Variants in OSMR observed in about 807,000 individuals in gnomAD.
The protein encoded by OSMR is oncostatin M receptor.
A neutral mutation model predicts 99.9 loss-of-function variants in OSMR; 81 were observed. That is an observed-to-expected ratio of 0.81 (90% CI 0.68 to 0.97). The LOEUF is 0.97. Ranked by LOEUF, OSMR falls within the 50% of genes least tolerant of loss-of-function variation. OSMR has a pLI of 0.00. For missense variants in OSMR, 1,099 were observed against 1,153.4 expected (o/e 0.95, Z 0.68); for synonymous variants, 406 against 410.4 (o/e 0.99, Z 0.13).
Position 38,885,446 on chromosome 5 carries a change from G to A in OSMR, c.801G>A (p.Trp267Ter), listed in dbSNP as rs754271526. 8 of 1,613,916 alleles carry A rather than the reference G, an allele frequency of 5.0e-6. No homozygotes were observed. The highest frequency in any genetic ancestry group is 5.9e-6 in the Non-Finnish European group (7 of 1,179,930). ...CTGGGACGGACACTGCCTTGGGGTG[G>A]TCTAAACAACCTTCCCAAAGCTACA... Reference protein sequence around the residue: ...WDPGTDTALGWSKQPSQSYTL... With the variant: ...WDPGTDTALG The change falls in exon 6 of 18, where the codon TGG becomes TGA. Residue 267 changes from tryptophan (W) to a stop codon, truncating the protein, a stop_gained. Coordinates refer to ENST00000274276, the MANE Select transcript of OSMR (RefSeq NM_003999.3). LOFTEE classifies it high-confidence loss of function.
chr5:38,861,953 T>C (rs13359818), intron 1 of OSMR, among the ~76,000 whole-genome samples: 88,238 of 108,172 alleles, frequency 0.82, 35,851 homozygotes, highest in African/African-American at 0.89. Flanking sequence ...CCGGACGGGG[T>C]GGCTGGCCGG....
intron 9 of OSMR, among the ~76,000 whole-genome samples, chr5:38,909,844 A>G (rs976917857): frequency 5.3e-5 from 8 of 152,230 alleles, no homozygotes; most frequent in African/African-American, 1.9e-4. Context: ...ACCAGCTAAC[A>G]AGACAATGAC....
chr5:38,860,034 T>C (rs574208209), intron 1 of OSMR, among the ~76,000 whole-genome samples: 2 of 152,200 alleles, frequency 1.3e-5, no homozygotes, highest in Non-Finnish European at 2.9e-5. Context: ...GGGGACACTT[T>C]TTCTTTCTCA....
At chr5:38,899,820 C>T (rs1312862702) in intron 7 of OSMR, among the ~76,000 whole-genome samples, 3 of 152,204 alleles carry the variant, frequency 2.0e-5, no homozygotes, top group African/African-American at 7.2e-5. Context: ...CCCCTCTTCT[C>T]CTCACGCAGA....
intron 7 of OSMR, among the ~76,000 whole-genome samples, chr5:38,891,897 C>T (rs1744183781): frequency 6.6e-6 from 1 of 152,114 alleles, no homozygotes; most frequent in African/African-American, 2.4e-5. Context: ...GCCAGTGTGG[C>T]TCTGCGTTCC....
intron 2 of OSMR, among the ~76,000 whole-genome samples, chr5:38,869,375 G>T (rs1190154327): frequency 6.6e-6 from 1 of 152,188 alleles, no homozygotes; most frequent in Non-Finnish European, 1.5e-5. Context: ...TAGGGCAGTT[G>T]TAAATAGACC....
Position 38,933,072 on chromosome 5 carries a change from T to A in OSMR, c.2568T>A (p.Phe856Leu). 2 of 1,614,176 alleles carry A rather than the reference T, an allele frequency of 1.2e-6. No individual in the cohort carries two copies. Among genetic ancestry groups the A allele is most frequent in the Non-Finnish European group, 1.7e-6 (2 of 1,179,996 alleles). The change falls in exon 18 of 18, where the codon TTT (phenylalanine) becomes TTA (leucine). Residue 856 changes from phenylalanine to leucine, a missense_variant. Phe to Leu is a conservative substitution (Grantham distance 22). Transcript: ENST00000274276. Reference sequence around the variant, plus strand: ...CTGGCCCTGGCCCCTGCATCTGTTTTGAGAACTTGACCTATAACCAGGCAG... The same window carrying A: ...CTGGCCCTGGCCCCTGCATCTGTTTAGAGAACTTGACCTATAACCAGGCAG... ...NHSGPGPCICFENLTYNQAAS... is the reference protein window; with the variant it reads ...NHSGPGPCICLENLTYNQAAS...
downstream of OSMR, chr5:38,935,692 T>G (rs1194857845): frequency 1.3e-5 from 2 of 152,336 alleles, no homozygotes; most frequent in East Asian, 3.9e-4. Flanking sequence ...ATTACTCAGT[T>G]TAGATGATAC....
At chr5:38,890,517 T>C (rs1284686424) in intron 7 of OSMR, among the ~76,000 whole-genome samples, 1 of 152,166 alleles carries the variant, frequency 6.6e-6, no homozygotes, top group Non-Finnish European at 1.5e-5. Flanking sequence ...GCAAACCTAA[T>C]TTTACATTTC....
chr5:38,917,445 G>A (rs1485822920), intron 9 of OSMR, 101 bp from the exon 10 acceptor site: 1 of 1,541,962 alleles, frequency 6.5e-7, no homozygotes. Flanking sequence ...GCCTCAGGTT[G>A]GACAGGTAAT....
At chr5:38,927,644 C>T (rs541026747) in intron 15 of OSMR, among the ~76,000 whole-genome samples, 72 of 152,256 alleles carry the variant, frequency 4.7e-4, no homozygotes, top group Non-Finnish European at 8.7e-4. Flanking sequence ...GGTGTCTGTG[C>T]CTGTGATGGG....
chr5:38,933,309 C>T lies in OSMR; in HGVS notation c.2805C>T (p.Asn935=), dbSNP rs1394583083. 6.2e-7 allele frequency: 1 copy of T among 1,614,196 alleles called. No homozygotes were observed. The stretch of plus-strand genomic sequence containing the variant: ...GAGACAAGGACAGTCTCCCAACAAA[C>T]CCAGTAGAGGCACCACACTGTTCAG... ...MFGDKDSLPT[N]PVEAPHCSEY... Residue 935 remains asparagine, a synonymous_variant, in exon 18 of 18, where the codon AAC becomes AAT. Coordinates refer to ENST00000274276, the MANE Select transcript of OSMR (RefSeq NM_003999.3).
intron 13 of OSMR, 101 bp from the exon 14 acceptor site, chr5:38,924,320 AC>A: frequency 3.8e-6 from 6 of 1,582,854 alleles, no homozygotes; most frequent in Non-Finnish European, 5.2e-6. Context: ...ATAAGCTGTT[AC>A]AACCTCCAGA....
At chr5:38,848,476 T>C (rs577908329) in intron 1 of OSMR, among the ~76,000 whole-genome samples, 65 of 152,278 alleles carry the variant, frequency 4.3e-4, no homozygotes, top group Non-Finnish European at 7.5e-4. Flanking sequence ...ATTTTTGTGT[T>C]TTAAAAATAA....
intron 1 of OSMR, chr5:38,941,186 A>G (rs1365144268): frequency 1.7e-5 from 4 of 232,870 alleles, no homozygotes; most frequent in East Asian, 6.1e-5. Flanking sequence ...GGCAATTAAT[A>G]TACTCATAAA....
In OSMR at chr5:38,904,479, C is replaced by T. The variant is rs753832258; in HGVS notation, c.1261C>T (p.Gln421Ter). 3.7e-5 allele frequency: 60 copies of T among 1,613,968 alleles called. No individual in the cohort carries two copies. In the South Asian group the frequency reaches 6.6e-4, roughly 18 times the overall value. The part of the protein sequence containing the change: ...HFWKWSEWSG[Q>*]NFTTLEAAPS... The stretch of plus-strand genomic sequence containing the variant: ...CTGGAAATGGAGTGAATGGAGTGGT[C>T]AGAACTTCACCACACTTGAAGCTGG... The change falls in exon 9 of 18, where the codon CAG becomes TAG. Residue 421 changes from glutamine (Q) to a stop codon, truncating the protein, a stop_gained. Coordinates refer to ENST00000274276, the MANE Select transcript of OSMR (RefSeq NM_003999.3). LOFTEE classifies it high-confidence loss of function.
intron 13 of OSMR, 22 bp downstream of exon 13, chr5:38,923,276 T>A: frequency 7.3e-7 from 1 of 1,369,568 alleles, no homozygotes; most frequent in Non-Finnish European, 1.0e-6. Flanking sequence ...GCATGTAATG[T>A]GCCCCATGTG....
chr5:38,930,360 C>G (rs1231267154), intron 15 of OSMR, among the ~76,000 whole-genome samples: 1 of 152,146 alleles, frequency 6.6e-6, no homozygotes, highest in Non-Finnish European at 1.5e-5. Flanking sequence ...TGTGTTGCCT[C>G]ATAGCACGGG....
At chr5:38,918,001 A>C (rs1339555221) in intron 10 of OSMR, among the ~76,000 whole-genome samples, 4 of 152,158 alleles carry the variant, frequency 2.6e-5, no homozygotes, top group Non-Finnish European at 5.9e-5. Flanking sequence ...ATATAAAATA[A>C]ATTTTATCCT....
Sources: gnomAD v4.1 joint callset for allele counts (sites outside exome capture counted in the v4.1 genomes callset) on GRCh38, gnomAD v4.1.1 for gene constraint, MANE v1.5 for transcripts, NCBI Gene and HGNC (gene_info 2026-07-23, HGNC 2026-07-21) for gene names.